The following INVS variants were observed in gnomAD, a reference collection of about 807,000 sequenced individuals.
The protein encoded by INVS is inversion of embryo turning homolog.
In INVS, 86 loss-of-function variants were observed where a neutral mutation model predicts 108.8. That is an observed-to-expected ratio of 0.79 (90% CI 0.66 to 0.95). INVS has a LOEUF of 0.95. Among genes scored for constraint, INVS ranks in the 40% least tolerant of loss-of-function variants. INVS has a pLI of 0.00. For missense variants in INVS, 1,169 were observed against 1,297.4 expected (o/e 0.90, Z 1.52); for synonymous variants, 455 against 473.5 (o/e 0.96, Z 0.51).
intron 3 of INVS, among the ~76,000 whole-genome samples, chr9:100,166,982 G>C (rs998550504): frequency 1.3e-5 from 2 of 152,160 alleles, no homozygotes; most frequent in Non-Finnish European, 2.9e-5. Context: ...GCTTACACCA[G>C]CACTTTGGGA....
intron 14 of INVS, among the ~76,000 whole-genome samples, chr9:100,294,872 A>ATG (rs1173005020): frequency 1.3e-5 from 2 of 152,192 alleles, no homozygotes; most frequent in Non-Finnish European, 2.9e-5. Context: ...TTACCTGTGC[A>ATG]TGTAATCGTC....
chr9:100,242,688 A>C lies in INVS; in HGVS notation c.906+9A>C. On this transcript the variant is annotated intron_variant, in intron 7 of 16. Transcript: ENST00000262457. ...CTCAGAGTAACTTTGCTGTAAGTAA[A>C]ACAAGACAATGCTCTTTTTTCTTAG... 1 of 1,462,614 alleles carries C rather than the reference A, an allele frequency of 6.8e-7. No individual in the cohort carries two copies. The highest frequency in any genetic ancestry group is 9.6e-7 in the Non-Finnish European group (1 of 1,042,058). The allele number at this position is 1,462,614 out of a possible 1,614,324, so 90.6% of individuals were successfully genotyped here.
intron 3 of INVS, among the ~76,000 whole-genome samples, chr9:100,211,688 C>A (rs1830837147): frequency 6.6e-6 from 1 of 152,130 alleles, no homozygotes; most frequent in Non-Finnish European, 1.5e-5. Flanking sequence ...AAAGATGTTG[C>A]CTTTCCCTCA....
chr9:100,244,582 T>G (rs1463686348), intron 7 of INVS, among the ~76,000 whole-genome samples: 1 of 152,092 alleles, frequency 6.6e-6, no homozygotes, highest in East Asian at 1.9e-4. Flanking sequence ...AATATAATAA[T>G]TGTATTCAAA....
chr9:100,118,063 T>C lies in INVS; in HGVS notation c.107-8320T>C, dbSNP rs563004473. ...TACCACCAAGACAGATTTTTTCTTT[T>C]TTTTTCTTTTTTTTTTTTTTTAGAT... On this transcript the variant is annotated intron_variant, in intron 2 of 16. Transcript: ENST00000262457. 9.6e-4 allele frequency among the ~76,000 whole-genome samples: 146 copies of C among 151,772 alleles called. 5 individuals carry two copies. The South Asian group carries it at 0.029, about 30-fold the overall frequency.
chr9:100,182,851 T>G (rs1829935983), intron 3 of INVS, among the ~76,000 whole-genome samples: 1 of 152,154 alleles, frequency 6.6e-6, no homozygotes, highest in African/African-American at 2.4e-5. Context: ...GCAGCACTAT[T>G]CACAATAAGA....
At chr9:100,133,764 T>TAC (rs147744972) in intron 3 of INVS, among the ~76,000 whole-genome samples, 4,384 of 123,846 alleles carry the variant, frequency 0.035, 93 homozygotes, top group East Asian at 0.11. Flanking sequence ...CTGCCAAAGC[T>TAC]ACACACACAC....
At chr9:100,250,325 C>A (rs550949438) in intron 8 of INVS, among the ~76,000 whole-genome samples, 1 of 152,098 alleles carries the variant, frequency 6.6e-6, no homozygotes, top group Non-Finnish European at 1.5e-5. Flanking sequence ...TATTTAACCA[C>A]GATTCATTTC....
At chr9:100,236,563 T>C (rs1464571264) in intron 5 of INVS, among the ~76,000 whole-genome samples, 1 of 152,182 alleles carries the variant, frequency 6.6e-6, no homozygotes, top group Non-Finnish European at 1.5e-5. Context: ...TTTTTGTTGA[T>C]GTTGATATTA....
At chr9:100,193,931 A>C (rs10819738) in intron 3 of INVS, among the ~76,000 whole-genome samples, 29,382 of 152,198 alleles carry the variant, frequency 0.19, 4,521 homozygotes, top group African/African-American at 0.43. Context: ...AGGCGTAAGC[A>C]ACAGCACCTA....
chr9:100,132,563 A>G (rs961619615), intron 3 of INVS, among the ~76,000 whole-genome samples: 2 of 152,180 alleles, frequency 1.3e-5, no homozygotes, highest in African/African-American at 2.4e-5. Context: ...CAAGGACTAC[A>G]TTATCAATAT....
chr9:100,198,973 G>T (rs1273145794), intron 3 of INVS, among the ~76,000 whole-genome samples: 1 of 152,122 alleles, frequency 6.6e-6, no homozygotes, highest in Non-Finnish European at 1.5e-5. Flanking sequence ...GTCCACATTC[G>T]CAGAGACGTC....
At position 100,300,636 on chromosome 9, in the gene INVS, C is replaced by CA. The variant is rs751458388; in HGVS notation, c.3162dup (p.Ser1055IlefsTer26). ...ATCAAAGAACTTTTCTTATAACCTG[C>CA]AATCAGCTACTCAGCCAAAAAACAA... On this transcript the variant is annotated frameshift_variant, in exon 17 of 17. Transcript: ENST00000262457. LOFTEE classifies it high-confidence loss of function. 6.2e-7 allele frequency: 1 copy of CA among 1,613,836 alleles called. No homozygotes were observed. Among genetic ancestry groups the CA allele is most frequent in the East Asian group, 2.2e-5 (1 of 44,872 alleles).
intron 2 of INVS, among the ~76,000 whole-genome samples, chr9:100,107,933 C>G (rs1156586713): frequency 1.3e-5 from 2 of 151,964 alleles, no homozygotes; most frequent in African/African-American, 4.8e-5. Flanking sequence ...CTTTAAGTAT[C>G]TTTTCTCCCA....
chr9:100,246,791 A>G lies in INVS; in HGVS notation c.1078+4A>G, dbSNP rs1474891890. The G allele has an allele frequency of 6.2e-7, 1 of 1,613,364 alleles. No homozygotes were observed. Among genetic ancestry groups the G allele is most frequent in the Non-Finnish European group, 8.5e-7 (1 of 1,179,316 alleles). ...GCTGACAAATATGGAGGTACAGGTG[A>G]GAACTGGTGGACACATTCAATTTGC... On this transcript the variant is annotated splice_donor_region_variant and intron_variant, in intron 8 of 16. Transcript: ENST00000262457.
chr9:100,292,690 T>C lies in INVS; in HGVS notation c.2433T>C (p.Pro811=). Reference sequence around the variant, plus strand: ...GCTCTCCGGCTGGTTCTAGCCGCCCTGGCAGTGCCCGGGGGGAGGCGGTCC... The same window carrying C: ...GCTCTCCGGCTGGTTCTAGCCGCCCCGGCAGTGCCCGGGGGGAGGCGGTCC... ...GRCSPAGSSR[P]GSARGEAVHA... The change falls in exon 14 of 17, where the codon CCT becomes CCC. Residue 811 remains proline (P), a synonymous_variant. Transcript: ENST00000262457. 1 of 1,614,130 alleles carries C rather than the reference T, an allele frequency of 6.2e-7. No homozygotes were observed. Among genetic ancestry groups the C allele is most frequent in the Non-Finnish European group, 8.5e-7 (1 of 1,180,006 alleles).
At chr9:100,235,221 A>G (rs1357909354) in intron 5 of INVS, among the ~76,000 whole-genome samples, 1 of 151,628 alleles carries the variant, frequency 6.6e-6, no homozygotes, top group African/African-American at 2.4e-5. Flanking sequence ...TTTGCTTGGT[A>G]AATCTTCCTC....
chr9:100,293,411 T>G (rs1048402348), intron 14 of INVS, among the ~76,000 whole-genome samples: 15 of 152,214 alleles, frequency 9.9e-5, no homozygotes, highest in African/African-American at 3.4e-4. Context: ...ATTTAATAAT[T>G]GTTGCACATG....
chr9:100,272,153 C>G (rs895600575), intron 11 of INVS, among the ~76,000 whole-genome samples: 1 of 152,226 alleles, frequency 6.6e-6, no homozygotes, highest in African/African-American at 2.4e-5. Flanking sequence ...CAGGCGTGAG[C>G]CTCTGCGCCC....
Sources: gnomAD v4.1 joint callset for allele counts (sites outside exome capture counted in the v4.1 genomes callset) on GRCh38, gnomAD v4.1.1 for gene constraint, MANE v1.5 for transcripts, NCBI Gene and HGNC (gene_info 2026-07-23, HGNC 2026-07-21) for gene names.